Variants in KHDRBS1 observed in about 807,000 individuals in gnomAD.
KHDRBS1 encodes KH domain-containing, RNA-binding, signal transduction-associated protein 1.
Under a neutral mutation model 48.4 loss-of-function variants are expected in KHDRBS1, and 7 were observed. The observed-to-expected ratio is 0.14, with a 90% CI of 0.08 to 0.27. The LOEUF is 0.27. Among genes scored for constraint, KHDRBS1 ranks in the 10% least tolerant of loss-of-function variants. The pLI is 1.00. For missense variants in KHDRBS1, 458 were observed against 601.2 expected (o/e 0.76, Z 2.49); for synonymous variants, 241 against 235.8 (o/e 1.02, Z -0.20).
At chr1:32,048,761 T>C (rs1639384119), downstream of KHDRBS1, among the ~76,000 whole-genome samples, 1 of 152,026 alleles carries the variant, frequency 6.6e-6, no homozygotes. Context: ...AATTCAGTGG[T>C]TTTTAGTATA....
intron 1 of KHDRBS1, among the ~76,000 whole-genome samples, chr1:32,025,602 C>G (rs1214189129): frequency 6.7e-6 from 1 of 149,848 alleles, no homozygotes; most frequent in Non-Finnish European, 1.5e-5. Flanking sequence ...CGCCTGGCCC[C>G]CTCCACCCTT....
At chr1:32,041,690 A>G (rs1206531635) in intron 8 of KHDRBS1, among the ~76,000 whole-genome samples, 16 of 149,088 alleles carry the variant, frequency 1.1e-4, no homozygotes, top group Non-Finnish European at 2.2e-4. Flanking sequence ...CCCAGGTTCA[A>G]GCACTTCTCC....
chr1:32,044,909 A>G (rs1639340125), downstream of KHDRBS1, among the ~76,000 whole-genome samples: 1 of 152,222 alleles, frequency 6.6e-6, no homozygotes, highest in African/African-American at 2.4e-5. Context: ...TTAGCTGTTA[A>G]TTTTAATGTT....
intron 5 of KHDRBS1, 44 bp downstream of exon 5, chr1:32,037,087 T>C: frequency 6.3e-7 from 1 of 1,598,904 alleles, no homozygotes; most frequent in South Asian, 1.1e-5. Context: ...TGAATTTGAC[T>C]ACTAGTGTCA....
intron 3 of KHDRBS1, among the ~76,000 whole-genome samples, 182 bp from the exon 4 acceptor site, chr1:32,033,006 A>G (rs1457462773): frequency 1.3e-5 from 2 of 151,734 alleles, no homozygotes; most frequent in African/African-American, 2.4e-5. Context: ...TACTTTCTTA[A>G]ACTTTACTGT....
intron 10 of KHDRBS1, among the ~76,000 whole-genome samples, chr1:32,051,611 A>G (rs1163943437): frequency 6.6e-6 from 1 of 152,178 alleles, no homozygotes; most frequent in Non-Finnish European, 1.5e-5. Flanking sequence ...CCCTTCTCCC[A>G]CCATCAACTT....
chr1:32,053,013 TGTG>T (rs67628048), intron 10 of KHDRBS1, among the ~76,000 whole-genome samples: 13,719 of 152,006 alleles, frequency 0.09, 815 homozygotes, highest in Non-Finnish European at 0.13. Context: ...AAAAGCTAGA[TGTG>T]GTGGTGCACG....
At chr1:32,030,250 A>G (rs761719098) in intron 1 of KHDRBS1, 48 bp from the exon 2 acceptor site, 82 of 1,548,712 alleles carry the variant, frequency 5.3e-5, no homozygotes, top group Non-Finnish European at 6.9e-5. Flanking sequence ...AGACTTCAAA[A>G]TTTGCATTTA....
At chr1:32,039,955 T>G (rs1190557773) in intron 8 of KHDRBS1, among the ~76,000 whole-genome samples, 2 of 152,130 alleles carry the variant, frequency 1.3e-5, no homozygotes, top group Non-Finnish European at 2.9e-5. Context: ...TAGGCCACTT[T>G]GGTAGATAAC....
chr1:32,021,959 C>CTTT (rs1298804437), intron 1 of KHDRBS1, among the ~76,000 whole-genome samples: 2 of 131,740 alleles, frequency 1.5e-5, no homozygotes, highest in Non-Finnish European at 3.3e-5. Flanking sequence ...CGGCACATTT[C>CTTT]TTTTTTTTTT....
chr1:32,015,959 T>TC (rs1236110850), intron 1 of KHDRBS1, among the ~76,000 whole-genome samples: 1 of 152,062 alleles, frequency 6.6e-6, no homozygotes, highest in Non-Finnish European at 1.5e-5. Flanking sequence ...GACGGGCTGA[T>TC]CGCGAGGTCA....
At chr1:32,037,715 A>T in intron 5 of KHDRBS1, 120 bp from the exon 6 acceptor site, 2 of 1,079,410 alleles carry the variant, frequency 1.9e-6, no homozygotes, top group Non-Finnish European at 2.8e-6. Flanking sequence ...TCTGTGCTTT[A>T]ATAATAGCCT....
In KHDRBS1 at chr1:32,014,049, C is replaced by G. The variant is rs754077786; in HGVS notation, c.54C>G (p.Ser18Arg). ...AARMSRSSGR[S>R]GSMDPSGAHP... ...GCATGAGCCGGTCTTCGGGCCGTAG[C>G]GGCTCCATGGACCCCTCCGGTGCCC... The change falls in exon 1 of 9, where the codon AGC becomes AGG. Residue 18 changes from serine to arginine, a missense_variant. Ser to Arg is a moderately radical substitution (Grantham distance 110, BLOSUM62 -1). This residue lies in a region of KHDRBS1 where 213 missense variants were observed against 215.6 expected (regional missense o/e 0.99). Transcript: ENST00000327300. The G allele has an allele frequency of 6.6e-7, 1 of 1,517,270 alleles. No homozygotes were observed. Among genetic ancestry groups the G allele is most frequent in the Non-Finnish European group, 8.7e-7 (1 of 1,143,288 alleles). 94.0% of individuals were successfully genotyped at this position (1,517,270 alleles called of 1,614,324 possible).
chr1:32,050,814 C>T (rs1639410341), intron 10 of KHDRBS1, among the ~76,000 whole-genome samples: 1 of 151,912 alleles, frequency 6.6e-6, no homozygotes, highest in Non-Finnish European at 1.5e-5. Context: ...GCCACCACAC[C>T]CAGCTTTAAT....
chr1:32,042,385 G>A (rs1569812911), intron 8 of KHDRBS1, 142 bp from the exon 9 acceptor site: 3 of 608,338 alleles, frequency 4.9e-6, no homozygotes, highest in East Asian at 5.6e-5. Flanking sequence ...AAGCCAAGTA[G>A]AGAGCAAGGA....
chr1:32,030,547 A>G lies in KHDRBS1; in HGVS notation c.507+125A>G, dbSNP rs1468827969. The G allele has an allele frequency of 7.4e-6, 5 of 675,050 alleles. No individual in the cohort carries two copies. In the African/African-American group the frequency reaches 9.4e-5, roughly 13 times the overall value. 41.8% of individuals were successfully genotyped at this position (675,050 alleles called of 1,614,324 possible). ...CTTAAGCCTGTGAAGCTTCTCTTTC[A>G]TGCTTGTAGTACCTGTTACTGAGAG... On this transcript the variant is annotated intron_variant, in intron 2 of 8. Transcript: ENST00000327300.
At position 32,014,872 on chromosome 1, in the gene KHDRBS1, C is replaced by T. The variant is rs149717594; in HGVS notation, c.382+495C>T. On this transcript the variant is annotated intron_variant, in intron 1 of 8. Coordinates refer to ENST00000327300, the MANE Select transcript of KHDRBS1 (RefSeq NM_006559.3). ...GAGGCTGGAATGCCCTGTCCAGTGCCTTGCTGTCGCTGGGGCCGAGCCGGA... is the reference window on the plus strand; with the variant it reads ...GAGGCTGGAATGCCCTGTCCAGTGCTTTGCTGTCGCTGGGGCCGAGCCGGA... Among the ~76,000 whole-genome samples the T allele has an allele frequency of 2.2e-3, 338 of 152,318 alleles. 5 individuals carry two copies. Among genetic ancestry groups the T allele is most frequent in the African/African-American group, 7.6e-3 (315 of 41,570 alleles).
At chr1:32,045,906 A>G (rs549405090), downstream of KHDRBS1, among the ~76,000 whole-genome samples, 21 of 152,314 alleles carry the variant, frequency 1.4e-4, no homozygotes, top group East Asian at 4.1e-3. Context: ...TAGAGAGGGA[A>G]TATCAGACTG....
chr1:32,014,595 G>A (rs1638697192), intron 1 of KHDRBS1, among the ~76,000 whole-genome samples: 1 of 152,198 alleles, frequency 6.6e-6, no homozygotes. Flanking sequence ...GCGACTTTGC[G>A]ATCCCCTAGC....
Sources: gnomAD v4.1 joint callset for allele counts (sites outside exome capture counted in the v4.1 genomes callset) on GRCh38, gnomAD v4.1.1 for gene constraint, gnomAD v4.1.1 regional missense constraint, MANE v1.5 for transcripts, NCBI Gene and HGNC (gene_info 2026-07-23, HGNC 2026-07-21) for gene names.